ZNF704: variants seen among roughly 807,000 people sequenced by gnomAD.
The protein encoded by ZNF704 is glucocorticoid induced gene 1.
In ZNF704, 10 loss-of-function variants were observed where a neutral mutation model predicts 44.7. That is an observed-to-expected ratio of 0.22 (90% CI 0.14 to 0.38). ZNF704 has a LOEUF of 0.38. Among genes scored for constraint, ZNF704 ranks in the 10% least tolerant of loss-of-function variants. The pLI is 1.00. For missense variants in ZNF704, 390 were observed against 545.5 expected (o/e 0.71, Z 2.84); for synonymous variants, 211 against 207.6 (o/e 1.02, Z -0.14).
At chr8:80,743,626 C>T (rs1455659668) in intron 2 of ZNF704, among the ~76,000 whole-genome samples, 1 of 152,196 alleles carries the variant, frequency 6.6e-6, no homozygotes, top group Non-Finnish European at 1.5e-5. Context: ...CTCCTGGTAG[C>T]TCAGCAACCA....
chr8:80,746,644 G>A (rs1325239800), intron 2 of ZNF704, among the ~76,000 whole-genome samples: 3 of 152,124 alleles, frequency 2.0e-5, no homozygotes, highest in Non-Finnish European at 4.4e-5. Flanking sequence ...TAGAACCTAC[G>A]TTTTCAAGTA....
At chr8:80,669,337 AG>A (rs1035083165) in intron 5 of ZNF704, among the ~76,000 whole-genome samples, 1 of 152,168 alleles carries the variant, frequency 6.6e-6, no homozygotes, top group Admixed American at 6.5e-5. Context: ...GAGCAGAAGG[AG>A]GGTGTTCTTC....
At chr8:80,871,849 AT>A (rs1339292446) in intron 1 of ZNF704, among the ~76,000 whole-genome samples, 1 of 152,204 alleles carries the variant, frequency 6.6e-6, no homozygotes, top group Non-Finnish European at 1.5e-5. Context: ...TTCTGTGTAA[AT>A]TTCTGAAGTT....
the ZNF704 span, among the ~76,000 whole-genome samples, chr8:80,882,172 A>G: frequency 6.6e-6 from 1 of 152,132 alleles, no homozygotes; most frequent in Non-Finnish European, 1.5e-5. Context: ...TAGCATGCAC[A>G]TTTTCTTGAT....
chr8:80,692,530 T>C (rs1280287303), intron 3 of ZNF704, among the ~76,000 whole-genome samples: 3 of 152,226 alleles, frequency 2.0e-5, no homozygotes, highest in Admixed American at 6.5e-5. Context: ...TCTAGCATGG[T>C]ACCTGATAAA....
intron 4 of ZNF704, among the ~76,000 whole-genome samples, chr8:80,686,005 T>G (rs1057134651): frequency 6.6e-6 from 1 of 152,248 alleles, no homozygotes; most frequent in Non-Finnish European, 1.5e-5. Context: ...AGTTTTACAT[T>G]TATGTGGTGA....
At chr8:80,749,249 A>G (rs562823358) in intron 2 of ZNF704, among the ~76,000 whole-genome samples, 1 of 151,720 alleles carries the variant, frequency 6.6e-6, no homozygotes, top group East Asian at 1.9e-4. Flanking sequence ...ACCTCAAGAG[A>G]TACTCCTGCC....
rs762410541 is a variant in ZNF704, at chr8:80,639,685, G to A, written c.*1681C>T. 1 of 152,576 alleles carries A rather than the reference G, an allele frequency of 6.6e-6. No homozygotes were observed. Among genetic ancestry groups the A allele is most frequent in the Non-Finnish European group, 1.5e-5 (1 of 68,032 alleles). 9.5% of individuals were successfully genotyped at this position (152,576 alleles called of 1,614,324 possible). A position where few individuals can be genotyped will look rare whatever the true frequency, so the allele number is the denominator to read the frequency against. ...ATGCACAGATTGTGGATGTTGCACT[G>A]TAGAACCTCCTTATACTTTCTTTTG... On this transcript the variant is annotated 3_prime_UTR_variant, in exon 9 of 9. Coordinates refer to ENST00000327835, the MANE Select transcript of ZNF704 (RefSeq NM_001033723.3).
chr8:80,761,212 C>T (rs1441837699), intron 2 of ZNF704, among the ~76,000 whole-genome samples: 1 of 152,132 alleles, frequency 6.6e-6, no homozygotes, highest in African/African-American at 2.4e-5. Context: ...CACCAGATAC[C>T]AAATGCCGAC....
At chr8:80,645,144 T>G in intron 7 of ZNF704, 1 of 1,607,224 alleles carries the variant, frequency 6.2e-7, no homozygotes, top group Admixed American at 1.7e-5. Flanking sequence ...GTCGTATTTG[T>G]CCAAATAGTA....
At chr8:80,650,324 T>C (rs1302149582) in intron 7 of ZNF704, among the ~76,000 whole-genome samples, 2 of 152,096 alleles carry the variant, frequency 1.3e-5, no homozygotes, top group African/African-American at 4.8e-5. Flanking sequence ...GAAAATGACT[T>C]TGACAAGTTG....
rs1456585241 is a variant in ZNF704, at chr8:80,641,379, C to T, written c.1226G>A (p.Arg409Lys). The T allele has an allele frequency of 1.9e-6, 3 of 1,613,156 alleles. No homozygotes were observed. In the African/African-American group the frequency reaches 4.0e-5, roughly 22 times the overall value. ...CCTGGGGGTCTCTCAGTCGAGGAAC[C>T]TCTGGCAGGCCTTCTTCCAGCGGCA... ...TACRWKKACQRFLD is the reference protein window; with the variant it reads ...TACRWKKACQKFLD The change falls in exon 9 of 9, where the codon AGG (arginine) becomes AAG (lysine). Residue 409 changes from arginine to lysine, a missense_variant. Arg to Lys is a conservative substitution (Grantham distance 26, BLOSUM62 2). This residue lies in a region of ZNF704 where 305 missense variants were observed against 435.7 expected (regional missense o/e 0.70). Coordinates refer to ENST00000327835, the MANE Select transcript of ZNF704 (RefSeq NM_001033723.3).
intron 2 of ZNF704, among the ~76,000 whole-genome samples, chr8:80,798,171 A>T (rs982025531): frequency 1.3e-5 from 2 of 152,116 alleles, no homozygotes; most frequent in African/African-American, 2.4e-5. Context: ...TTGTCAGTTT[A>T]TAACAAGAAG....
At chr8:80,809,590 A>G (rs111542791) in intron 2 of ZNF704, among the ~76,000 whole-genome samples, 51 of 152,340 alleles carry the variant, frequency 3.3e-4, no homozygotes, top group African/African-American at 9.4e-4. Context: ...AAGCTGTACA[A>G]GCAAAGCTCG....
chr8:80,802,778 C>T (rs1707126350), intron 2 of ZNF704, among the ~76,000 whole-genome samples: 1 of 152,138 alleles, frequency 6.6e-6, no homozygotes, highest in Non-Finnish European at 1.5e-5. Flanking sequence ...AAAACCAACA[C>T]AAGACAAGTA....
intron 2 of ZNF704, among the ~76,000 whole-genome samples, chr8:80,718,654 A>G (rs1819112898): frequency 6.6e-6 from 1 of 150,968 alleles, no homozygotes; most frequent in Non-Finnish European, 1.5e-5. Flanking sequence ...ACCTAAACCC[A>G]AACTGCAGTT....
At chr8:80,753,257 T>A (rs754557771) in intron 2 of ZNF704, among the ~76,000 whole-genome samples, 5 of 152,158 alleles carry the variant, frequency 3.3e-5, no homozygotes, top group Non-Finnish European at 7.3e-5. Flanking sequence ...TCTAAACTCC[T>A]CCAGCCAGGA....
intron 2 of ZNF704, among the ~76,000 whole-genome samples, chr8:80,761,287 C>T (rs958852549): frequency 6.6e-6 from 1 of 152,180 alleles, no homozygotes; most frequent in Non-Finnish European, 1.5e-5. Context: ...TTACAACTTA[C>T]CCCAGTCTCA....
chr8:80,665,358 C>T (rs539509644), intron 5 of ZNF704, among the ~76,000 whole-genome samples: 3 of 152,280 alleles, frequency 2.0e-5, no homozygotes, highest in African/African-American at 7.2e-5. Context: ...GTTCCAGGGT[C>T]TCCTGATAAC....
Sources: gnomAD v4.1 joint callset for allele counts (sites outside exome capture counted in the v4.1 genomes callset) on GRCh38, gnomAD v4.1.1 for gene constraint, gnomAD v4.1.1 regional missense constraint, MANE v1.5 for transcripts, NCBI Gene and HGNC (gene_info 2026-07-23, HGNC 2026-07-21) for gene names.